Variants in DYM observed in about 807,000 individuals in gnomAD.
The protein encoded by DYM is dymeclin.
In DYM, 78 loss-of-function variants were observed where a neutral mutation model predicts 93.1. That is an observed-to-expected ratio of 0.84 (90% CI 0.70 to 1.01). The LOEUF (loss-of-function observed/expected upper bound fraction) is 1.01, where lower values mean the gene tolerates loss of function less well. DYM is among the 50% of genes least tolerant of loss of function. The pLI is 0.00. For missense variants in DYM, 789 were observed against 845.0 expected (o/e 0.93, Z 0.82); for synonymous variants, 321 against 319.7 (o/e 1.00, Z -0.04).
chr18:49,127,106 A>G (rs958644518), intron 15 of DYM, among the ~76,000 whole-genome samples: 4 of 152,342 alleles, frequency 2.6e-5, no homozygotes, highest in African/African-American at 9.6e-5. Flanking sequence ...TAGCTCATCA[A>G]TGGAGCAGCC....
At chr18:49,230,172 T>C (rs1370408373) in intron 13 of DYM, among the ~76,000 whole-genome samples, 1 of 152,196 alleles carries the variant, frequency 6.6e-6, no homozygotes, top group Non-Finnish European at 1.5e-5. Flanking sequence ...AACTATTTAC[T>C]AAAAGGGAAA....
At chr18:49,448,018 A>C (rs780822144) in intron 1 of DYM, among the ~76,000 whole-genome samples, 1 of 152,152 alleles carries the variant, frequency 6.6e-6, no homozygotes. Flanking sequence ...AGCGCCACCT[A>C]GTGAAATAGG....
chr18:49,206,987 C>G (rs2092549257), intron 14 of DYM, among the ~76,000 whole-genome samples: 1 of 152,176 alleles, frequency 6.6e-6, no homozygotes, highest in Admixed American at 6.5e-5. Flanking sequence ...GAAGGAGGCT[C>G]AGGAATTGGA....
intron 2 of DYM, among the ~76,000 whole-genome samples, chr18:49,407,559 G>T (rs1311882297): frequency 6.6e-6 from 1 of 152,154 alleles, no homozygotes; most frequent in Non-Finnish European, 1.5e-5. Flanking sequence ...AGAAAGGAAA[G>T]AGATGCCACA....
At chr18:49,448,049 C>CT (rs1331587028) in intron 1 of DYM, among the ~76,000 whole-genome samples, 1 of 152,148 alleles carries the variant, frequency 6.6e-6, no homozygotes, top group Non-Finnish European at 1.5e-5. Context: ...ATGAAGCACA[C>CT]TGTCAGTCCA....
intron 15 of DYM, among the ~76,000 whole-genome samples, chr18:49,120,594 G>A (rs2082297520): frequency 6.6e-6 from 1 of 152,112 alleles, no homozygotes; most frequent in East Asian, 1.9e-4. Flanking sequence ...GATATGAAGG[G>A]CCAACTGTAT....
At chr18:49,110,578 C>G (rs985174917) in intron 16 of DYM, among the ~76,000 whole-genome samples, 4 of 151,972 alleles carry the variant, frequency 2.6e-5, no homozygotes, top group African/African-American at 4.8e-5. Context: ...CTGTTACTAT[C>G]TTTGTTCCTC....
intron 14 of DYM, among the ~76,000 whole-genome samples, chr18:49,181,393 G>A (rs939157766): frequency 1.3e-5 from 2 of 152,094 alleles, no homozygotes; most frequent in Non-Finnish European, 1.5e-5. Flanking sequence ...TCTGTTTTAC[G>A]AGACACAAAC....
At chr18:49,062,376 A>G (rs2076051271) in intron 17 of DYM, among the ~76,000 whole-genome samples, 1 of 152,218 alleles carries the variant, frequency 6.6e-6, no homozygotes, top group Admixed American at 6.5e-5. Context: ...AGCCCAGCTC[A>G]GGACCTGCTG....
intron 17 of DYM, among the ~76,000 whole-genome samples, chr18:49,078,434 C>T (rs907210837): frequency 2.0e-5 from 3 of 151,960 alleles, no homozygotes; most frequent in African/African-American, 7.2e-5. Flanking sequence ...ATACAACTGT[C>T]ACAACCATAC....
intron 15 of DYM, among the ~76,000 whole-genome samples, chr18:49,120,166 T>A (rs1034851831): frequency 6.9e-6 from 1 of 145,894 alleles, no homozygotes; most frequent in African/African-American, 2.5e-5. Flanking sequence ...AAAATTTCCA[T>A]ACAGGAAGGC....
At chr18:49,451,031 T>C (rs1305402641) in intron 1 of DYM, among the ~76,000 whole-genome samples, 1 of 152,164 alleles carries the variant, frequency 6.6e-6, no homozygotes, top group East Asian at 1.9e-4. Flanking sequence ...AAAACAAGAA[T>C]TGACTAAATG....
intron 15 of DYM, among the ~76,000 whole-genome samples, chr18:49,162,418 T>C (rs1257693999): frequency 2.0e-5 from 3 of 152,204 alleles, no homozygotes; most frequent in Non-Finnish European, 4.4e-5. Context: ...CAGTGCATGC[T>C]AACATGCTAG....
chr18:49,405,462 T>C (rs1482211321), intron 2 of DYM, among the ~76,000 whole-genome samples: 2 of 152,228 alleles, frequency 1.3e-5, no homozygotes, highest in Non-Finnish European at 2.9e-5. Context: ...ATTCTGCATA[T>C]GGTCAGCTAT....
At chr18:49,296,406 T>C (rs2060557863) in intron 8 of DYM, among the ~76,000 whole-genome samples, 1 of 152,188 alleles carries the variant, frequency 6.6e-6, no homozygotes, top group South Asian at 2.1e-4. Context: ...ATTTCATCAT[T>C]TATTAAGGGC....
At chr18:49,419,792 T>C (rs553560021) in intron 2 of DYM, among the ~76,000 whole-genome samples, 2 of 152,360 alleles carry the variant, frequency 1.3e-5, no homozygotes, top group African/African-American at 4.8e-5. Context: ...TTTAGTTAAG[T>C]CTACTTTAGT....
At chr18:49,174,746 C>T (rs576847669) in intron 14 of DYM, among the ~76,000 whole-genome samples, 57 of 152,122 alleles carry the variant, frequency 3.7e-4, no homozygotes, top group African/African-American at 9.4e-4. Context: ...ATTGTAAAGA[C>T]GTAATCCCGG....
At chr18:49,107,911 G>T (rs1273035505) in intron 16 of DYM, among the ~76,000 whole-genome samples, 4 of 152,206 alleles carry the variant, frequency 2.6e-5, no homozygotes, top group African/African-American at 9.7e-5. Flanking sequence ...CATGCTGGGA[G>T]AACCACTACT....
chr18:49,270,610 T>G (rs142534768), intron 11 of DYM, among the ~76,000 whole-genome samples: 139 of 152,336 alleles, frequency 9.1e-4, no homozygotes, highest in African/African-American at 3.2e-3. Flanking sequence ...TGTGAGATGA[T>G]GGATATGCTA....
Sources: gnomAD v4.1 joint callset for allele counts (sites outside exome capture counted in the v4.1 genomes callset) on GRCh38, gnomAD v4.1.1 for gene constraint, MANE v1.5 for transcripts, NCBI Gene and HGNC (gene_info 2026-07-23, HGNC 2026-07-21) for gene names.